The following SPATA31C2 variants were observed in gnomAD, a reference collection of about 807,000 sequenced individuals.
The protein encoded by SPATA31C2 is SPATA31 subfamily C member 2.
Under a neutral mutation model 11.4 loss-of-function variants are expected in SPATA31C2, and 5 were observed. The observed-to-expected ratio is 0.44, with a 90% CI of 0.23 to 0.92. The LOEUF is 0.92. Among genes scored for constraint, SPATA31C2 ranks in the 40% least tolerant of loss-of-function variants. The pLI is 0.24. For synonymous variants in SPATA31C2, 515 were observed against 538.7 expected, an observed-to-expected ratio of 0.96 and a Z score of 0.61; for missense variants, 1,353 against 1,368.6, an observed-to-expected ratio of 0.99 and a Z score of 0.18.
chr9:88,135,832 A>G (rs1348173838), intron 1 of SPATA31C2, among the ~76,000 whole-genome samples: 2 of 143,850 alleles, frequency 1.4e-5, no homozygotes, highest in Non-Finnish European at 3.0e-5. Context: ...TCTCACTTTG[A>G]ATCAAAGGGA....
chr9:88,132,210 A>G lies in SPATA31C2; in HGVS notation c.827T>C (p.Leu276Pro), dbSNP rs748297155. ...AGAAACTTGACTGTTTGAGCCGCCA[A>G]GGCCTGAGATGCCTGGGACAGAAGC... is the stretch of plus-strand genomic sequence containing the variant. ...LAASVPGISG[L>P]GGSNSQVSAL... Residue 276 changes from leucine to proline, a missense_variant, in exon 4 of 4, where the codon CTT (leucine) becomes CCT (proline). Coordinates refer to ENST00000324915, the MANE Select transcript of SPATA31C2 (RefSeq NM_001350978.3). The G allele has an allele frequency of 7.5e-6, 12 of 1,610,578 alleles. No individual in the cohort carries two copies. Among genetic ancestry groups the G allele is most frequent in the Non-Finnish European group, 1.0e-5 (12 of 1,177,658 alleles).
rs1164825974 is a variant in SPATA31C2 at position 88,129,557 on chromosome 9, A to G, written c.*75T>C. ...GCTGAGGGGGACTGACTGGGGATACAGCTTTCTTGGGGAGCAAGAGTTGGG... is the reference window on the plus strand; with the variant it reads ...GCTGAGGGGGACTGACTGGGGATACGGCTTTCTTGGGGAGCAAGAGTTGGG... On this transcript the variant is annotated 3_prime_UTR_variant, in exon 4 of 4. Coordinates refer to ENST00000324915, the MANE Select transcript of SPATA31C2 (RefSeq NM_001350978.3). 5 of 1,600,898 alleles carry G rather than the reference A, an allele frequency of 3.1e-6. No individual in the cohort carries two copies. In the East Asian group the frequency reaches 9.0e-5, roughly 29 times the overall value.
chr9:88,132,229 C>G lies in SPATA31C2; in HGVS notation c.808G>C (p.Val270Leu). The change falls in exon 4 of 4, where the codon GTC becomes CTC. Residue 270 changes from valine to leucine, a missense_variant. By Grantham distance (32) the Val-to-Leu change is conservative (BLOSUM62 1). This residue lies in a region of SPATA31C2 where 1,075 missense variants were observed against 992.8 expected (regional missense o/e 1.08). Transcript: ENST00000324915. ...CCGCCAAGGCCTGAGATGCCTGGGA[C>G]AGAAGCCGCCAAATCCTCACGTGGA... ...LSPREDLAAS[V>L]PGISGLGGSN... is the part of the protein sequence containing the mutation. 1.2e-6 allele frequency: 2 copies of G among 1,610,720 alleles called. No individual in the cohort carries two copies. Among genetic ancestry groups the G allele is most frequent in the Non-Finnish European group, 1.7e-6 (2 of 1,177,678 alleles).
Position 88,130,166 on chromosome 9 carries a change from C to G in SPATA31C2, c.2871G>C (p.Glu957Asp), listed in dbSNP as rs547696983. 2.4e-3 allele frequency: 3,929 copies of G among 1,608,642 alleles called. 9 individuals are homozygous for G. The highest frequency in any genetic ancestry group is 5.2e-3 in the East Asian group (232 of 44,602). The change falls in exon 4 of 4, where the codon GAG becomes GAC. Residue 957 changes from glutamate to aspartate, a missense_variant. Around this residue, in one of 6 missense-constraint regions of SPATA31C2, gnomAD observed 16 missense variants for 45.1 expected, o/e 0.35. Transcript: ENST00000324915. ...SPMFPPTHKR[E>D]NSRKPNLEKH... ...TTTCTAAGTTGGGCTTCCTAGAGTTCTCCCTCTTGTGAGTAGGGGGAAACA... is the reference window on the plus strand; with the variant it reads ...TTTCTAAGTTGGGCTTCCTAGAGTTGTCCCTCTTGTGAGTAGGGGGAAACA...
chr9:88,131,325 T>C lies in SPATA31C2; in HGVS notation c.1712A>G (p.His571Arg). 2 of 1,611,970 alleles carry C rather than the reference T, an allele frequency of 1.2e-6. No homozygotes were observed. Among genetic ancestry groups the C allele is most frequent in the Non-Finnish European group, 1.7e-6 (2 of 1,179,872 alleles). The change falls in exon 4 of 4, where the codon CAT (histidine) becomes CGT (arginine). Residue 571 changes from histidine (H) to arginine (R), a missense_variant. Physicochemically the swap from His to Arg is conservative, Grantham distance 29. Transcript: ENST00000324915. ...SDLLRRTERN[H>R]IENILKAHMS... ...GTGGGCTTTCAGGATGTTTTCTATA[T>C]GATTCCTCTCTGTGCGTCTTAATAA...
chr9:88,131,214 G>T lies in SPATA31C2; in HGVS notation c.1823C>A (p.Pro608His). The change falls in exon 4 of 4, where the codon CCC (proline) becomes CAC (histidine). Residue 608 changes from proline to histidine, a missense_variant. By Grantham distance (77) the Pro-to-His change is moderately conservative. Coordinates refer to ENST00000324915, the MANE Select transcript of SPATA31C2 (RefSeq NM_001350978.3). ...GGTTTTCACGTGGGTGTTGGAGACGGGAAAAGCCTGGTTGACAGCAAGCCA... is the reference window on the plus strand; with the variant it reads ...GGTTTTCACGTGGGTGTTGGAGACGTGAAAAGCCTGGTTGACAGCAAGCCA... Reference protein sequence around the residue: ...RSWLAVNQAFPVSNTHVKTSN... With the variant: ...RSWLAVNQAFHVSNTHVKTSN... 1 of 1,611,900 alleles carries T rather than the reference G, an allele frequency of 6.2e-7. No individual in the cohort carries two copies. Among genetic ancestry groups the T allele is most frequent in the Non-Finnish European group, 8.5e-7 (1 of 1,179,868 alleles).
Position 88,130,297 on chromosome 9 carries a change from C to T in SPATA31C2, c.2740G>A (p.Ala914Thr), listed in dbSNP as rs374158652. ...LQSMPTGNMQ[A>T]SQELCDLMSA... ...ATGAGGTCACATAGCTCCTGGGAAG[C>T]CTGCATGTTCCCAGTAGGCATGCTC... Residue 914 changes from alanine to threonine, a missense_variant, in exon 4 of 4, where the codon GCT becomes ACT. Around this residue, in one of 6 missense-constraint regions of SPATA31C2, gnomAD observed 1,075 missense variants for 992.8 expected, o/e 1.08. Coordinates refer to ENST00000324915, the MANE Select transcript of SPATA31C2 (RefSeq NM_001350978.3). 1 of 1,608,956 alleles carries T rather than the reference C, an allele frequency of 6.2e-7. No individual in the cohort carries two copies. The highest frequency in any genetic ancestry group is 1.3e-5 in the African/African-American group (1 of 74,688).
chr9:88,132,089 C>A lies in SPATA31C2; in HGVS notation c.948G>T (p.Met316Ile). 2.5e-6 allele frequency: 4 copies of A among 1,610,704 alleles called. No individual in the cohort carries two copies. The highest frequency in any genetic ancestry group is 1.3e-5 in the African/African-American group (1 of 74,954). ...DHLSRQRDTT[M>I]SPLLFQAQPL... ...GCTGGGCCTGGAAAAGCAGTGGGGACATTGTAGTGTCCCTTTGGCGGGAAA... is the reference window on the plus strand; with the variant it reads ...GCTGGGCCTGGAAAAGCAGTGGGGAAATTGTAGTGTCCCTTTGGCGGGAAA... Residue 316 changes from methionine to isoleucine, a missense_variant, in exon 4 of 4, where the codon ATG (methionine) becomes ATT (isoleucine). By Grantham distance (10) the Met-to-Ile change is conservative. Coordinates refer to ENST00000324915, the MANE Select transcript of SPATA31C2 (RefSeq NM_001350978.3).
Position 88,138,313 on chromosome 9 carries a change from TAGG to T in SPATA31C2, c.131_133del (p.Pro44_Tyr45delinsHis). On this transcript the variant is annotated inframe_deletion, in exon 1 of 4. Transcript: ENST00000324915. ...GTTGTCACAACGGAGGTAAGAGAAG[TAGG>T]GGAGTAATAGGAAGAAGAACCCCAG... 1 of 1,395,654 alleles carries T rather than the reference TAGG, an allele frequency of 7.2e-7. No individual in the cohort carries two copies. Among genetic ancestry groups the T allele is most frequent in the Non-Finnish European group, 9.5e-7 (1 of 1,056,102 alleles). The allele number at this position is 1,395,654 out of a possible 1,614,324, so 86.5% of individuals were successfully genotyped here. A position where few individuals can be genotyped will look rare whatever the true frequency, so the allele number is the denominator to read the frequency against.
chr9:88,135,719 G>A (rs954380389), intron 1 of SPATA31C2, among the ~76,000 whole-genome samples: 6 of 131,624 alleles, frequency 4.6e-5, no homozygotes, highest in East Asian at 2.5e-4. Flanking sequence ...GGGTTTCACC[G>A]TGTTAGCCAG....
In SPATA31C2 at chr9:88,129,844, C is replaced by A. The variant is rs377088833; in HGVS notation, c.3193G>T (p.Glu1065Ter). ...LMTAVGQILE[E>*]NMSLCHARHA... ...CGCGCATGGCAAAGTGACATGTTCT[C>A]CTCCAGTATCTGTCCAACTGCTGTC... Residue 1065 changes from glutamate (E) to a stop codon, truncating the protein, a stop_gained, in exon 4 of 4, where the codon GAG becomes TAG. Coordinates refer to ENST00000324915, the MANE Select transcript of SPATA31C2 (RefSeq NM_001350978.3). LOFTEE classifies it low-confidence loss of function (END_TRUNC). The A allele has an allele frequency of 6.2e-7, 1 of 1,604,770 alleles. No homozygotes were observed. Among genetic ancestry groups the A allele is most frequent in the South Asian group, 1.1e-5 (1 of 90,970 alleles).
chr9:88,131,807 C>T lies in SPATA31C2; in HGVS notation c.1230G>A (p.Leu410=). 6.2e-7 allele frequency: 1 copy of T among 1,611,596 alleles called. No individual in the cohort carries two copies. The highest frequency in any genetic ancestry group is 8.5e-7 in the Non-Finnish European group (1 of 1,179,596). Residue 410 remains leucine, a synonymous_variant, in exon 4 of 4, where the codon TTG becomes TTA. Coordinates refer to ENST00000324915, the MANE Select transcript of SPATA31C2 (RefSeq NM_001350978.3). Reference sequence around the variant, plus strand: ...ATTTTTGGACCCTAGAGGGTAAAGCCAACCCACCTTCTAGTTGTTTCTTCA... The same window carrying T: ...ATTTTTGGACCCTAGAGGGTAAAGCTAACCCACCTTCTAGTTGTTTCTTCA... ...PLLKKQLEGG[L]ALPSRVQKSQ...
At chr9:88,137,058 CA>C in intron 1 of SPATA31C2, among the ~76,000 whole-genome samples, 1 of 134,664 alleles carries the variant, frequency 7.4e-6, no homozygotes, top group South Asian at 2.4e-4. Flanking sequence ...CTCAACAAAA[CA>C]AGTCTGAAAT....
At position 88,131,405 on chromosome 9, in the gene SPATA31C2, A is replaced by G; in HGVS notation, c.1632T>C (p.Ser544=). The G allele has an allele frequency of 6.2e-7, 1 of 1,611,956 alleles. No individual in the cohort carries two copies. Among genetic ancestry groups the G allele is most frequent in the South Asian group, 1.1e-5 (1 of 90,980 alleles). ...TCCTCAGGTTCCTTTCCGACTCCTCAGAGGTCGCCCCCAGAACCTTCCCTG... is the reference window on the plus strand; with the variant it reads ...TCCTCAGGTTCCTTTCCGACTCCTCGGAGGTCGCCCCCAGAACCTTCCCTG... ...SFPGKVLGAT[S]EESERNLRKP... The change falls in exon 4 of 4, where the codon TCT becomes TCC. Residue 544 remains serine, a synonymous_variant. Transcript: ENST00000324915.
rs758242120 is a variant in SPATA31C2, at chr9:88,132,045, G to A, written c.992C>T (p.Pro331Leu). 2 of 1,610,880 alleles carry A rather than the reference G, an allele frequency of 1.2e-6. No homozygotes were observed. Among genetic ancestry groups the A allele is most frequent in the Non-Finnish European group, 1.7e-6 (2 of 1,177,714 alleles). ...FQAQPLSHLE[P>L]ESQPFISSTP... ...GGATGAAATAAAGGGTTGGGACTCA[G>A]GCTCCAGATGGGACAGGGGCTGGGC... Residue 331 changes from proline (P) to leucine (L), a missense_variant, in exon 4 of 4, where the codon CCT becomes CTT. Coordinates refer to ENST00000324915, the MANE Select transcript of SPATA31C2 (RefSeq NM_001350978.3).
intron 1 of SPATA31C2, among the ~76,000 whole-genome samples, chr9:88,137,891 G>A (rs1178969793): frequency 9.7e-6 from 1 of 103,044 alleles, no homozygotes; most frequent in Non-Finnish European, 1.7e-5. Flanking sequence ...GGACTGATGA[G>A]CCAGGGCTCA....
chr9:88,135,658 CCCA>C (rs1207078959), intron 1 of SPATA31C2, among the ~76,000 whole-genome samples: 1 of 127,792 alleles, frequency 7.8e-6, no homozygotes, highest in Non-Finnish European at 1.6e-5. Flanking sequence ...ACTACAGGCG[CCCA>C]CCACCACCAC....
At position 88,132,946 on chromosome 9, in the gene SPATA31C2, G is replaced by A; in HGVS notation, c.326+20C>T. ...TCCCAGCCCTGGTAGGAAGGACGCA[G>A]GGAAGGGGAAGTGCCTCACCTCTGC... On this transcript the variant is annotated intron_variant, in intron 3 of 3. Coordinates refer to ENST00000324915, the MANE Select transcript of SPATA31C2 (RefSeq NM_001350978.3). The A allele has an allele frequency of 1.5e-6, 2 of 1,337,678 alleles. 1 individual carries two copies. The highest frequency in any genetic ancestry group is 2.0e-6 in the Non-Finnish European group (2 of 1,014,106). 82.9% of individuals were successfully genotyped at this position (1,337,678 alleles called of 1,614,324 possible). A position where few individuals can be genotyped will look rare whatever the true frequency, so the allele number is the denominator to read the frequency against.
intron 1 of SPATA31C2, among the ~76,000 whole-genome samples, chr9:88,138,029 G>T (rs1350451666): frequency 2.1e-5 from 2 of 95,242 alleles, no homozygotes; most frequent in Non-Finnish European, 3.6e-5. Flanking sequence ...TTGCCTTCAT[G>T]CCTCCTGCGC....
Sources: allele counts gnomAD v4.1 joint callset (sites outside exome capture counted in the v4.1 genomes callset), GRCh38; gene constraint gnomAD v4.1.1; regional missense constraint gnomAD v4.1.1; transcripts MANE v1.5; gene names NCBI Gene and HGNC (gene_info 2026-07-23, HGNC 2026-07-21).